MIA2: variants seen among roughly 807,000 people sequenced by gnomAD.
MIA2 encodes MIA SH3 domain ER export factor 2.
A neutral mutation model predicts 167.8 loss-of-function variants in MIA2; 127 were observed. That is an observed-to-expected ratio of 0.76 (90% confidence interval 0.66 to 0.88). The LOEUF is 0.88. Among genes scored for constraint, MIA2 ranks in the 40% least tolerant of loss-of-function variants. The pLI, the probability that MIA2 is intolerant of heterozygous loss-of-function variation, is 0.00. For synonymous variants in MIA2, 552 were observed against 541.9 expected (o/e 1.02, Z -0.26); for missense variants, 1,690 against 1,624.7 (o/e 1.04, Z -0.69).
intron 23 of MIA2, among the ~76,000 whole-genome samples, chr14:39,375,514 G>T (rs10148141): frequency 4.6e-5 from 7 of 151,990 alleles, no homozygotes; most frequent in African/African-American, 1.7e-4. Context: ...TGGCCAACAT[G>T]GCGAAACCCT....
intron 9 of MIA2, among the ~76,000 whole-genome samples, chr14:39,279,834 C>A (rs372704152): frequency 2.6e-5 from 4 of 152,124 alleles, no homozygotes; most frequent in Non-Finnish European, 2.9e-5. Context: ...TCCAAATGTT[C>A]TCTTTTCGTA....
intron 6 of MIA2, among the ~76,000 whole-genome samples, chr14:39,257,924 T>G (rs921430267): frequency 1.3e-5 from 2 of 152,268 alleles, no homozygotes; most frequent in Admixed American, 6.5e-5. Context: ...CACTCTCTTC[T>G]GGCTTATAGG....
At chr14:39,347,864 C>A in intron 27 of MIA2, 93 bp downstream of exon 27, 4 of 1,215,478 alleles carry the variant, frequency 3.3e-6, no homozygotes, top group East Asian at 2.8e-5. Flanking sequence ...TATTGTTGCC[C>A]AAGCTGGAGT....
In MIA2 at chr14:39,294,056, A is replaced by G; in HGVS notation, c.2376A>G (p.Lys792=). 1.9e-6 allele frequency: 3 copies of G among 1,610,422 alleles called. No homozygotes were observed. The South Asian group carries it at 3.3e-5, about 18-fold the overall frequency. The change falls in exon 12 of 29, where the codon AAA becomes AAG. Residue 792 remains lysine (K), a synonymous_variant. Coordinates refer to ENST00000640607, the MANE Select transcript of MIA2 (RefSeq NM_001329214.4). ...QSLEDESKSL[K]SQVAEAKMTF... is the part of the protein sequence containing the mutation. Reference sequence around the variant, plus strand: ...TAGAAGATGAGTCAAAATCCCTCAAATCACAAGTAGCTGAAGTAAGTTGAA... The same window carrying G: ...TAGAAGATGAGTCAAAATCCCTCAAGTCACAAGTAGCTGAAGTAAGTTGAA...
At chr14:39,318,623 A>G (rs1337487587) in intron 22 of MIA2, among the ~76,000 whole-genome samples, 3 of 152,154 alleles carry the variant, frequency 2.0e-5, no homozygotes, top group African/African-American at 7.2e-5. Context: ...AAATCAAATT[A>G]TTAAATGTTT....
At chr14:39,337,519 C>T (rs975492737) in intron 25 of MIA2, among the ~76,000 whole-genome samples, 12 of 152,152 alleles carry the variant, frequency 7.9e-5, no homozygotes, top group Admixed American at 5.9e-4. Flanking sequence ...TTTTACAAGA[C>T]AGATTGTATC....
chr14:39,357,347 C>CT (rs1450088760), intron 23 of MIA2, among the ~76,000 whole-genome samples: 3 of 152,112 alleles, frequency 2.0e-5, no homozygotes, highest in African/African-American at 7.2e-5. Context: ...GGTTTAAAGT[C>CT]TGTTTTATCA....
At chr14:39,267,655 C>T (rs1376027033) in intron 6 of MIA2, 2 of 1,060,234 alleles carry the variant, frequency 1.9e-6, no homozygotes, top group East Asian at 2.6e-5. Context: ...GTCTGCTGCC[C>T]GGCTCCCGCC....
intron 23 of MIA2, among the ~76,000 whole-genome samples, chr14:39,366,288 C>T (rs1412928014): frequency 6.6e-6 from 1 of 151,986 alleles, no homozygotes; most frequent in East Asian, 1.9e-4. Flanking sequence ...TTAACAGGTC[C>T]GAGTAGCCTA....
At position 39,240,733 on chromosome 14, in the gene MIA2, T is replaced by C. The variant is rs574803446; in HGVS notation, c.336+86T>C. The C allele has an allele frequency of 2.6e-5, 22 of 855,484 alleles. No individual in the cohort carries two copies. In the East Asian group the frequency reaches 5.4e-4, roughly 21 times the overall value. 53.0% of individuals were successfully genotyped at this position (855,484 alleles called of 1,614,324 possible). ...CCCAGGTATCAGTGCCTATTGGTTA[T>C]GTACCTTTTATAGTAAATGCATAAA... On this transcript the variant is annotated intron_variant, in intron 3 of 28. Transcript: ENST00000640607.
chr14:39,331,538 T>G (rs2153013687), intron 25 of MIA2, among the ~76,000 whole-genome samples: 1 of 152,334 alleles, frequency 6.6e-6, no homozygotes, highest in Middle Eastern at 3.4e-3. Context: ...TTGATGCAGT[T>G]TCTTCATCAC....
At position 39,279,499 on chromosome 14, in the gene MIA2, A is replaced by C; in HGVS notation, c.2092A>C (p.Ser698Arg). ...LMLSGLIEEK[S>R]KLLEKFSLVQ... ...GCTTTCTGGACTAATTGAAGAAAAAAGTAAACTACTTGAAAAATTTAGCCT... is the reference window on the plus strand; with the variant it reads ...GCTTTCTGGACTAATTGAAGAAAAACGTAAACTACTTGAAAAATTTAGCCT... Residue 698 changes from serine (S) to arginine (R), a missense_variant, in exon 9 of 29, where the codon AGT becomes CGT. Transcript: ENST00000640607. 6.2e-7 allele frequency: 1 copy of C among 1,608,204 alleles called. No homozygotes were observed. The highest frequency in any genetic ancestry group is 2.2e-5 in the East Asian group (1 of 44,770).
rs571859548 is a variant in MIA2, at chr14:39,368,536, G to C, written c.2249-18349G>C. On this transcript the variant is annotated intron_variant, in intron 23 of 23. Transcript: ENST00000341502. ...TTGCAGAGGAGAGACATGATTTGGT[G>C]TACCGTGGCTGCCACCTTGTGTTAA... Among the ~76,000 whole-genome samples the C allele has an allele frequency of 2.0e-5, 3 of 152,154 alleles. No homozygotes were observed. In the South Asian group the frequency reaches 6.2e-4, roughly 32 times the overall value.
chr14:39,272,396 T>C (rs971458582), intron 6 of MIA2, among the ~76,000 whole-genome samples: 12 of 151,874 alleles, frequency 7.9e-5, no homozygotes, highest in Non-Finnish European at 1.8e-4. Flanking sequence ...TAGGTATATG[T>C]AAAATAGGTG....
rs144276859 is a variant in MIA2, at chr14:39,247,333, T to C, written c.759T>C (p.Ser253=). The change falls in exon 4 of 29, where the codon AGT becomes AGC. Residue 253 remains serine, a synonymous_variant. Coordinates refer to ENST00000640607, the MANE Select transcript of MIA2 (RefSeq NM_001329214.4). ...CTGTACAAGAAAGCTCATTTCGGAG[T>C]AGAAAAATAGCAGTGGAAGATGAGA... ...IEPVQESSFR[S]RKIAVEDEND... is the part of the protein sequence containing the mutation. The C allele has an allele frequency of 4.3e-6, 7 of 1,613,724 alleles. No homozygotes were observed. Among genetic ancestry groups the C allele is most frequent in the Admixed American group, 1.7e-5 (1 of 59,956 alleles).
intron 9 of MIA2, among the ~76,000 whole-genome samples, chr14:39,286,192 C>G (rs141573662): frequency 1.3e-5 from 2 of 152,238 alleles, no homozygotes; most frequent in Non-Finnish European, 2.9e-5. Context: ...TCTGCAATCC[C>G]GGCACCTCGG....
chr14:39,237,349 A>G (rs979164923), intron 2 of MIA2: 3 of 363,374 alleles, frequency 8.3e-6, no homozygotes, highest in African/African-American at 4.3e-5. Flanking sequence ...GCTGGTCACA[A>G]ACCCCTGAGC....
chr14:39,294,488 A>ACACCCAGCTTGTATGGCT lies in MIA2; in HGVS notation c.2392-423_2392-422insGGCTCACCCAGCTTGTAT, dbSNP rs578257692. On this transcript the variant is annotated intron_variant, in intron 12 of 28. Coordinates refer to ENST00000640607, the MANE Select transcript of MIA2 (RefSeq NM_001329214.4). ...GCTGGGATTACAGGCATGAGCCACC[A>ACACCCAGCTTGTATGGCT]CACCCAGCTTGTATTTTTTTTTTTT... 1.4e-4 allele frequency among the ~76,000 whole-genome samples: 21 copies of ACACCCAGCTTGTATGGCT among 150,628 alleles called. No homozygotes were observed. The South Asian group carries it at 4.4e-3, about 32-fold the overall frequency.
chr14:39,349,397 T>C (rs1473432163), intron 28 of MIA2, among the ~76,000 whole-genome samples: 1 of 152,230 alleles, frequency 6.6e-6, no homozygotes, highest in Non-Finnish European at 1.5e-5. Flanking sequence ...CAGTCCTACT[T>C]ATTTAAAACT....
Sources: gnomAD v4.1 joint callset for allele counts (sites outside exome capture counted in the v4.1 genomes callset) on GRCh38, gnomAD v4.1.1 for gene constraint, MANE v1.5 for transcripts, NCBI Gene and HGNC (gene_info 2026-07-23, HGNC 2026-07-21) for gene names.